The following MARCHF1 variants were observed in gnomAD, a reference collection of about 807,000 sequenced individuals.
MARCHF1 encodes the protein E3 ubiquitin-protein ligase MARCHF1.
Under a neutral mutation model 54.2 loss-of-function variants are expected in MARCHF1, and 40 were observed. That is an observed-to-expected ratio of 0.74 (90% CI 0.57 to 0.96). MARCHF1 has a LOEUF of 0.96. MARCHF1 is among the 40% of genes least tolerant of loss of function. The pLI is 0.00. For missense variants in MARCHF1, 586 were observed against 656.5 expected, an observed-to-expected ratio of 0.89 and a Z score of 1.17; for synonymous variants, 236 against 236.3, an observed-to-expected ratio of 1.00 and a Z score of 0.01.
chr4:163,582,259 T>C (rs374712799), intron 8 of MARCHF1, among the ~76,000 whole-genome samples: 3 of 152,172 alleles, frequency 2.0e-5, no homozygotes, highest in African/African-American at 7.2e-5. Context: ...TTGGTTAACT[T>C]AGCAGATTAA....
chr4:163,778,784 G>A (rs1747377158), intron 4 of MARCHF1, among the ~76,000 whole-genome samples: 2 of 152,130 alleles, frequency 1.3e-5, no homozygotes, highest in South Asian at 2.1e-4. Flanking sequence ...ACTTACAAGT[G>A]GGAGCTAAAC....
rs11944632 is a variant in MARCHF1, at chr4:164,152,892, A to C, written c.-322-41230T>G. On this transcript the variant is annotated intron_variant, in intron 1 of 9. Coordinates refer to ENST00000514618, the MANE Select transcript of MARCHF1 (RefSeq NM_001394959.1). ...TAGCCTGGAAGTCCACCCCCCACCCACCCCAGTTTGAGTCGTTCCGCCTTC... is the reference window on the plus strand; with the variant it reads ...TAGCCTGGAAGTCCACCCCCCACCCCCCCCAGTTTGAGTCGTTCCGCCTTC... Among the ~76,000 whole-genome samples, 707 of 150,576 alleles carry C rather than the reference A, an allele frequency of 4.7e-3. 7 individuals carry two copies. Among genetic ancestry groups the C allele is most frequent in the African/African-American group, 0.016 (672 of 41,140 alleles).
At chr4:163,997,075 G>A (rs1246360256) in intron 2 of MARCHF1, among the ~76,000 whole-genome samples, 1 of 152,020 alleles carries the variant, frequency 6.6e-6, no homozygotes, top group Non-Finnish European at 1.5e-5. Flanking sequence ...ATAACACTCA[G>A]ATGATAGCAA....
chr4:163,643,578 T>A (rs1742642610), intron 5 of MARCHF1, among the ~76,000 whole-genome samples: 1 of 152,150 alleles, frequency 6.6e-6, no homozygotes, highest in Non-Finnish European at 1.5e-5. Flanking sequence ...TTCTCCTTAT[T>A]GTTAAAAATG....
At chr4:163,819,262 C>A (rs1748627357) in intron 4 of MARCHF1, among the ~76,000 whole-genome samples, 1 of 152,080 alleles carries the variant, frequency 6.6e-6, no homozygotes, top group South Asian at 2.1e-4. Context: ...ACTTACTTTG[C>A]TTCACTTCTT....
intron 7 of MARCHF1, among the ~76,000 whole-genome samples, chr4:163,590,057 G>GGT (rs34885496): frequency 0.046 from 6,760 of 146,138 alleles, 207 homozygotes; most frequent in East Asian, 0.15. Context: ...TTTAGATTTT[G>GGT]GTGTGTGTGT....
intron 9 of MARCHF1, among the ~76,000 whole-genome samples, chr4:163,535,901 A>G (rs1738514328): frequency 6.6e-6 from 1 of 152,042 alleles, no homozygotes; most frequent in African/African-American, 2.4e-5. Flanking sequence ...GTCTAGAGAC[A>G]TTGTTGATTG....
chr4:164,134,227 A>T (rs1011705462), intron 1 of MARCHF1, among the ~76,000 whole-genome samples: 2 of 152,150 alleles, frequency 1.3e-5, no homozygotes, highest in Non-Finnish European at 2.9e-5. Context: ...TTACTACAAG[A>T]GGGTGGTCAT....
At chr4:163,575,167 G>A (rs997830112) in intron 8 of MARCHF1, among the ~76,000 whole-genome samples, 5 of 151,752 alleles carry the variant, frequency 3.3e-5, no homozygotes, top group Admixed American at 6.6e-5. Flanking sequence ...GGGTTTGTAG[G>A]GCTCTTTAGA....
Position 163,774,591 on chromosome 4 carries a change from G to C in MARCHF1, c.112-73728C>G, listed in dbSNP as rs187233117. ...CAGCTCACTGCAACCTCCATCTTCC[G>C]GGTTCAAGCTATTCTGCCTCAGCCT... On this transcript the variant is annotated intron_variant, in intron 4 of 9. Coordinates refer to ENST00000514618, the MANE Select transcript of MARCHF1 (RefSeq NM_001394959.1). Among the ~76,000 whole-genome samples the C allele has an allele frequency of 2.4e-4, 35 of 147,486 alleles. No homozygotes were observed. In the South Asian group the frequency reaches 7.1e-3, roughly 30 times the overall value.
chr4:163,793,737 C>T (rs898199090), intron 4 of MARCHF1, among the ~76,000 whole-genome samples: 1 of 152,154 alleles, frequency 6.6e-6, no homozygotes, highest in African/African-American at 2.4e-5. Context: ...TACAGAAAAG[C>T]ACTGTGAAAA....
chr4:164,020,608 G>A (rs936336215), intron 2 of MARCHF1, among the ~76,000 whole-genome samples: 1 of 152,210 alleles, frequency 6.6e-6, no homozygotes, highest in South Asian at 2.1e-4. Context: ...CTGGAAAAGA[G>A]TGAAATACCT....
In MARCHF1 at chr4:164,098,791, T is replaced by C. The variant is rs181876429; in HGVS notation, c.-248+12797A>G. On this transcript the variant is annotated intron_variant, in intron 2 of 9. Coordinates refer to ENST00000514618, the MANE Select transcript of MARCHF1 (RefSeq NM_001394959.1). ...AATGGTTAGGGCTGACCATCTATAT[T>C]CATAACTCTTGTCTGACCAACATGA... is the stretch of plus-strand genomic sequence containing the variant. Among the ~76,000 whole-genome samples, 6 of 152,294 alleles carry C rather than the reference T, an allele frequency of 3.9e-5. No individual in the cohort carries two copies. The East Asian group carries it at 1.2e-3, about 29-fold the overall frequency.
At chr4:163,535,317 ATAACT>A (rs1201503485) in intron 9 of MARCHF1, among the ~76,000 whole-genome samples, 1 of 152,140 alleles carries the variant, frequency 6.6e-6, no homozygotes, top group African/African-American at 2.4e-5. Flanking sequence ...TTCCAGCAAA[ATAACT>A]GAACTAAAAA....
chr4:163,863,357 C>G (rs1749982019), intron 3 of MARCHF1, among the ~76,000 whole-genome samples: 1 of 152,046 alleles, frequency 6.6e-6, no homozygotes. Flanking sequence ...GCACTGTGCT[C>G]TAGTTCATAA....
chr4:163,612,496 T>C lies in MARCHF1; in HGVS notation c.785A>G (p.Glu262Gly). ...GTGGTGATATCTGCCTTTGCTCTTC[T>C]CATGATTCCTTGAGGATCTCTTAAT... ...SEIKRSSRNH[E>G]KSKGRYHHRD... Residue 262 changes from glutamate (E) to glycine (G), a missense_variant, in exon 7 of 10, where the codon GAG becomes GGG. Around this residue, in one of 3 missense-constraint regions of MARCHF1, gnomAD observed 387 missense variants for 394.6 expected, o/e 0.98. Transcript: ENST00000514618. 10 of 1,535,224 alleles carry C rather than the reference T, an allele frequency of 6.5e-6. No individual in the cohort carries two copies. The highest frequency in any genetic ancestry group is 8.7e-6 in the Non-Finnish European group (10 of 1,146,456).
At chr4:163,843,616 T>C (rs1248518254) in intron 4 of MARCHF1, among the ~76,000 whole-genome samples, 1 of 152,042 alleles carries the variant, frequency 6.6e-6, no homozygotes, top group Non-Finnish European at 1.5e-5. Context: ...CCATGGTGGT[T>C]TGCTACATCT....
chr4:163,604,137 T>A (rs1741067669), intron 7 of MARCHF1, among the ~76,000 whole-genome samples: 1 of 152,154 alleles, frequency 6.6e-6, no homozygotes, highest in Non-Finnish European at 1.5e-5. Flanking sequence ...ATGGGGGATC[T>A]TGACAATCAC....
chr4:163,878,397 G>C (rs1750340430), intron 3 of MARCHF1, among the ~76,000 whole-genome samples: 1 of 152,212 alleles, frequency 6.6e-6, no homozygotes, highest in Non-Finnish European at 1.5e-5. Flanking sequence ...GTCCATCAAA[G>C]AGGTATTATT....
Sources: gnomAD v4.1 joint callset for allele counts (sites outside exome capture counted in the v4.1 genomes callset) on GRCh38, gnomAD v4.1.1 for gene constraint, gnomAD v4.1.1 regional missense constraint, MANE v1.5 for transcripts, NCBI Gene and HGNC (gene_info 2026-07-23, HGNC 2026-07-21) for gene names.